Variants in FMN1 observed in about 807,000 individuals in gnomAD.
FMN1 encodes formin-1.
Under a neutral mutation model 132.4 loss-of-function variants are expected in FMN1, and 110 were observed. The observed-to-expected ratio is 0.83, with a 90% CI of 0.71 to 0.97. The LOEUF is 0.97. Ranked by LOEUF, FMN1 falls within the 50% of genes least tolerant of loss-of-function variation. FMN1 has a pLI of 0.00. For synonymous variants in FMN1, 722 were observed against 651.7 expected (o/e 1.11, Z -1.64); for missense variants, 1,792 against 1,705.3 (o/e 1.05, Z -0.90).
At chr15:33,058,155 C>T (rs1566875372) in intron 6 of FMN1, among the ~76,000 whole-genome samples, 1 of 131,784 alleles carries the variant, frequency 7.6e-6, no homozygotes, top group African/African-American at 2.5e-5. Flanking sequence ...GTGGAGAGGT[C>T]GCTTGGTGGA....
chr15:32,774,025 TG>T lies in FMN1; in HGVS notation c.*284del. 2.4e-6 allele frequency: 1 copy of T among 422,196 alleles called. No homozygotes were observed. Among genetic ancestry groups the T allele is most frequent in the South Asian group, 3.7e-5 (1 of 27,350 alleles). The allele number at this position is 422,196 out of a possible 1,614,324, so 26.2% of individuals were successfully genotyped here. A position where few individuals can be genotyped will look rare whatever the true frequency, so the allele number is the denominator to read the frequency against. ...TTTTAAAAAAATTTTGGAAACATTT[TG>T]GTATTTCTTCTGCTCTTAGAGTGGA... On this transcript the variant is annotated 3_prime_UTR_variant, in exon 21 of 21. Coordinates refer to ENST00000616417, the MANE Select transcript of FMN1 (RefSeq NM_001277313.2).
rs2056231130 is a variant in FMN1, at chr15:32,771,254, A to G, written c.*3056T>C. 6.6e-6 allele frequency: 1 copy of G among 150,672 alleles called. No homozygotes were observed. The highest frequency in any genetic ancestry group is 2.4e-5 in the African/African-American group (1 of 40,840). 9.3% of individuals were successfully genotyped at this position (150,672 alleles called of 1,614,324 possible). On this transcript the variant is annotated 3_prime_UTR_variant, in exon 21 of 21. Coordinates refer to ENST00000616417, the MANE Select transcript of FMN1 (RefSeq NM_001277313.2). ...CCACCACGCCCGGCTAATTTTTTGT[A>G]TTTTTAGTAGAGATGGGGTTTCACC...
chr15:32,987,936 A>G (rs2033173363), intron 7 of FMN1, among the ~76,000 whole-genome samples: 2 of 151,956 alleles, frequency 1.3e-5, no homozygotes, highest in African/African-American at 4.8e-5. Flanking sequence ...CAACAGTCAC[A>G]GTTTCTCAGT....
At chr15:33,029,216 A>C (rs12914016) in intron 6 of FMN1, among the ~76,000 whole-genome samples, 31,930 of 152,092 alleles carry the variant, frequency 0.21, 3,613 homozygotes, top group African/African-American at 0.27. Context: ...AGCATAGAGA[A>C]TCTCAGCTCC....
intron 9 of FMN1, among the ~76,000 whole-genome samples, chr15:32,948,252 C>G (rs781326182): frequency 3.3e-5 from 5 of 151,838 alleles, no homozygotes; most frequent in Admixed American, 6.6e-5. Flanking sequence ...AATTTTGAAT[C>G]AAATTTGCCA....
chr15:33,151,206 G>T, intron 4 of FMN1: 1 of 1,526,104 alleles, frequency 6.6e-7, no homozygotes, highest in Non-Finnish European at 8.8e-7. Context: ...ATGGCTGGAG[G>T]CCCTATAGGA....
intron 17 of FMN1, among the ~76,000 whole-genome samples, chr15:32,810,700 G>A (rs1019684881): frequency 2.0e-5 from 3 of 152,188 alleles, no homozygotes; most frequent in African/African-American, 7.2e-5. Flanking sequence ...ACTCTTTAAA[G>A]AAAGTGGGGC....
Position 32,964,014 on chromosome 15 carries a change from G to A in FMN1, c.3138+93C>T, listed in dbSNP as rs74014361. ...TAGGTATGTGTGTGTGTGTATATAC[G>A]ATACACACACACACACACACACACA... On this transcript the variant is annotated intron_variant, in intron 9 of 20. Coordinates refer to ENST00000616417, the MANE Select transcript of FMN1 (RefSeq NM_001277313.2). 42,397 of 340,344 alleles carry A rather than the reference G, an allele frequency of 0.12. 1,316 individuals carry two copies. Among genetic ancestry groups the A allele is most frequent in the Non-Finnish European group, 0.14 (27,678 of 202,634 alleles). The allele number at this position is 340,344 out of a possible 1,614,324, so 21.1% of individuals were successfully genotyped here.
chr15:32,879,581 C>T (rs2059714662), intron 16 of FMN1, among the ~76,000 whole-genome samples: 1 of 152,178 alleles, frequency 6.6e-6, no homozygotes, highest in Non-Finnish European at 1.5e-5. Context: ...CTCACACCTC[C>T]TGAGGTACTT....
intron 8 of FMN1, among the ~76,000 whole-genome samples, chr15:32,964,851 TAAC>T (rs1376620278): frequency 6.6e-6 from 1 of 152,146 alleles, no homozygotes; most frequent in Non-Finnish European, 1.5e-5. Flanking sequence ...TAAACAATAC[TAAC>T]AACAAAAACC....
chr15:33,009,423 A>G (rs1434404507), intron 6 of FMN1, among the ~76,000 whole-genome samples: 2 of 152,080 alleles, frequency 1.3e-5, no homozygotes, highest in East Asian at 1.9e-4. Flanking sequence ...TGCAGCCCAT[A>G]AAGACCTCCA....
chr15:32,974,296 T>C (rs2032026130), intron 7 of FMN1, among the ~76,000 whole-genome samples: 1 of 152,236 alleles, frequency 6.6e-6, no homozygotes, highest in South Asian at 2.1e-4. Context: ...GTGCTGAGGT[T>C]TGATATCTTT....
At chr15:33,019,597 C>T (rs1489936665) in intron 6 of FMN1, among the ~76,000 whole-genome samples, 9 of 152,200 alleles carry the variant, frequency 5.9e-5, no homozygotes, top group South Asian at 4.1e-4. Context: ...TCAGGCATGG[C>T]GAGCTGGAGG....
chr15:33,008,639 A>G (rs1452508951), intron 6 of FMN1, among the ~76,000 whole-genome samples: 1 of 152,232 alleles, frequency 6.6e-6, no homozygotes, highest in Non-Finnish European at 1.5e-5. Context: ...GAAAGGACAA[A>G]AATAAATTTC....
At chr15:32,791,554 C>T (rs2057078970) in intron 19 of FMN1, among the ~76,000 whole-genome samples, 1 of 152,058 alleles carries the variant, frequency 6.6e-6, no homozygotes, top group Non-Finnish European at 1.5e-5. Flanking sequence ...AGGGACACTT[C>T]AAGAGGAAAT....
chr15:33,028,804 C>T (rs1458066360), intron 6 of FMN1, among the ~76,000 whole-genome samples: 1 of 152,172 alleles, frequency 6.6e-6, no homozygotes, highest in Non-Finnish European at 1.5e-5. Flanking sequence ...GTCTGAGGCT[C>T]AAGGCAAACT....
chr15:32,768,826 A>G lies in FMN1; in HGVS notation c.*5484T>C, dbSNP rs2056134074. ...ACATAAGCGTAGAGGGAATGTAGAAAAATAAATTGATGGCTATATCTAACA... is the reference window on the plus strand; with the variant it reads ...ACATAAGCGTAGAGGGAATGTAGAAGAATAAATTGATGGCTATATCTAACA... On this transcript the variant is annotated 3_prime_UTR_variant, in exon 21 of 21. Coordinates refer to ENST00000616417, the MANE Select transcript of FMN1 (RefSeq NM_001277313.2). The G allele has an allele frequency of 1.3e-5, 2 of 152,214 alleles. 1 individual carries two copies. Among genetic ancestry groups the G allele is most frequent in the South Asian group, 4.1e-4 (2 of 4,836 alleles). 9.4% of individuals were successfully genotyped at this position (152,214 alleles called of 1,614,324 possible). A position where few individuals can be genotyped will look rare whatever the true frequency, so the allele number is the denominator to read the frequency against.
chr15:32,968,687 C>T (rs577382701), intron 8 of FMN1, 27 bp downstream of exon 8: 2 of 1,610,708 alleles, frequency 1.2e-6, no homozygotes, highest in South Asian at 1.1e-5. Flanking sequence ...AATTCACATG[C>T]TGAGAATGGG....
intron 16 of FMN1, among the ~76,000 whole-genome samples, chr15:32,862,663 T>C (rs914907479): frequency 6.6e-6 from 1 of 152,202 alleles, no homozygotes; most frequent in Non-Finnish European, 1.5e-5. Context: ...GTTAGAAAAA[T>C]GTAGCAGTAA....
Sources: gnomAD v4.1 joint callset for allele counts (sites outside exome capture counted in the v4.1 genomes callset) on GRCh38, gnomAD v4.1.1 for gene constraint, MANE v1.5 for transcripts, NCBI Gene and HGNC (gene_info 2026-07-23, HGNC 2026-07-21) for gene names.